ABLIM1: variants seen among roughly 807,000 people sequenced by gnomAD.
ABLIM1 encodes the protein actin-binding LIM protein 1.
In ABLIM1, 40 loss-of-function variants were observed where a neutral mutation model predicts 107.0. That is an observed-to-expected ratio of 0.37 (90% CI 0.29 to 0.49). The LOEUF (loss-of-function observed/expected upper bound fraction) is 0.49. Among genes scored for constraint, ABLIM1 ranks in the 20% least tolerant of loss-of-function variants. The pLI, the probability that ABLIM1 is intolerant of heterozygous loss-of-function variation, is 0.97. For synonymous variants in ABLIM1, 357 were observed against 357.3 expected (o/e 1.00, Z 0.01); for missense variants, 857 against 1,008.5 (o/e 0.85, Z 2.04).
chr10:114,600,396 A>G (rs777815269), intron 2 of ABLIM1, among the ~76,000 whole-genome samples: 1 of 152,172 alleles, frequency 6.6e-6, no homozygotes, highest in Non-Finnish European at 1.5e-5. Context: ...AGTTAAGCTC[A>G]TGCCCTCCAC....
chr10:114,720,277 T>C (rs1238573330), intron 1 of ABLIM1, among the ~76,000 whole-genome samples: 1 of 152,240 alleles, frequency 6.6e-6, no homozygotes, highest in Non-Finnish European at 1.5e-5. Context: ...CTATCATTGA[T>C]GGGCACTTGG....
chr10:114,547,219 C>G (rs1049057244), intron 5 of ABLIM1, among the ~76,000 whole-genome samples: 5 of 151,776 alleles, frequency 3.3e-5, no homozygotes, highest in African/African-American at 1.2e-4. Context: ...TGAACATGAG[C>G]CCATTTCCTG....
At position 114,632,203 on chromosome 10, in the gene ABLIM1, C is replaced by T. The variant is rs564923413; in HGVS notation, c.244+25754G>A. Reference sequence around the variant, plus strand: ...GCCCTGCGGCTGAAACCACTCGCTACAGCTGCTGCTGTAACAAATGCAAAA... The same window carrying T: ...GCCCTGCGGCTGAAACCACTCGCTATAGCTGCTGCTGTAACAAATGCAAAA... On this transcript the variant is annotated intron_variant, in intron 1 of 22. Coordinates refer to ENST00000533213, the MANE Select transcript of ABLIM1 (RefSeq NM_002313.7). 3.9e-4 allele frequency: 380 copies of T among 985,296 alleles called. 1 individual carries two copies. Among genetic ancestry groups the T allele is most frequent in the Non-Finnish European group, 4.1e-4 (343 of 829,914 alleles). 61.0% of individuals were successfully genotyped at this position (985,296 alleles called of 1,614,324 possible).
chr10:114,562,563 G>C (rs1238707143), intron 4 of ABLIM1, among the ~76,000 whole-genome samples: 1 of 152,132 alleles, frequency 6.6e-6, no homozygotes, highest in South Asian at 2.1e-4. Flanking sequence ...AACATGTTTT[G>C]ATTCTGTTAT....
intron 1 of ABLIM1, among the ~76,000 whole-genome samples, chr10:114,693,819 A>T (rs1405521428): frequency 2.3e-5 from 3 of 129,940 alleles, no homozygotes; most frequent in East Asian, 4.4e-4. Context: ...GGCTGATTTT[A>T]AAAAAACTTT....
intron 8 of ABLIM1, among the ~76,000 whole-genome samples, chr10:114,479,274 G>T (rs2056976812): frequency 6.6e-6 from 1 of 152,194 alleles, no homozygotes; most frequent in African/African-American, 2.4e-5. Context: ...TTCTCAGGCA[G>T]TTAATCTCAA....
intron 1 of ABLIM1, among the ~76,000 whole-genome samples, chr10:114,650,254 A>G (rs551088216): frequency 6.6e-6 from 1 of 152,194 alleles, no homozygotes; most frequent in Non-Finnish European, 1.5e-5. Flanking sequence ...GAGTCCATCC[A>G]TAATAATCAG....
At chr10:114,644,353 T>C (rs1487535810) in intron 1 of ABLIM1, among the ~76,000 whole-genome samples, 14 of 132,080 alleles carry the variant, frequency 1.1e-4, no homozygotes, top group Non-Finnish European at 1.7e-4. Flanking sequence ...TATATATACA[T>C]ATATATATAC....
intron 1 of ABLIM1, among the ~76,000 whole-genome samples, chr10:114,733,306 T>C (rs1353411672): frequency 2.0e-5 from 3 of 152,168 alleles, no homozygotes; most frequent in African/African-American, 7.2e-5. Context: ...CTATTCTGAA[T>C]CCTTTGAATT....
chr10:114,659,287 T>C (rs1289679141), upstream of ABLIM1, among the ~76,000 whole-genome samples: 4 of 151,896 alleles, frequency 2.6e-5, no homozygotes, highest in African/African-American at 7.3e-5. Flanking sequence ...GGTGGGAGGA[T>C]TGCTTGAGGC....
chr10:114,609,229 A>G (rs1359613866), intron 1 of ABLIM1, among the ~76,000 whole-genome samples: 4 of 152,216 alleles, frequency 2.6e-5, no homozygotes, highest in Non-Finnish European at 4.4e-5. Flanking sequence ...ATTTATTTGT[A>G]TTAATTTAGA....
intron 6 of ABLIM1, among the ~76,000 whole-genome samples, chr10:114,530,328 C>T (rs1023927660): frequency 6.6e-6 from 1 of 152,048 alleles, no homozygotes; most frequent in Non-Finnish European, 1.5e-5. Flanking sequence ...GTTAAGAGAC[C>T]TCTTCACCGT....
chr10:114,736,674 A>G (rs999637645), intron 1 of ABLIM1, among the ~76,000 whole-genome samples: 2 of 152,176 alleles, frequency 1.3e-5, no homozygotes, highest in African/African-American at 4.8e-5. Flanking sequence ...AGAGAGAAAT[A>G]TTACTTCATA....
intron 1 of ABLIM1, among the ~76,000 whole-genome samples, chr10:114,648,235 A>C (rs1314284910): frequency 2.0e-5 from 3 of 152,238 alleles, no homozygotes; most frequent in African/African-American, 7.2e-5. Flanking sequence ...ACAAGTGTTC[A>C]TAGCAGCATT....
chr10:114,631,787 A>C (rs2078194226), intron 1 of ABLIM1: 1 of 1,123,558 alleles, frequency 8.9e-7, no homozygotes, highest in African/African-American at 1.7e-5. Flanking sequence ...GGAGCTTCTC[A>C]CACCGAGAAC....
At chr10:114,626,063 G>A (rs2497674) in intron 1 of ABLIM1, among the ~76,000 whole-genome samples, 4,018 of 152,232 alleles carry the variant, frequency 0.026, 173 homozygotes, top group African/African-American at 0.091. Context: ...GGAGAACCCC[G>A]CATGACAAGC....
At chr10:114,772,647 T>G (rs983205762), upstream of ABLIM1, among the ~76,000 whole-genome samples, 3 of 151,876 alleles carry the variant, frequency 2.0e-5, no homozygotes, top group African/African-American at 7.3e-5. Context: ...ACCCCAAGGA[T>G]TCCACAAATA....
intron 1 of ABLIM1, among the ~76,000 whole-genome samples, chr10:114,637,818 A>G (rs560096122): frequency 4.7e-4 from 71 of 152,378 alleles, no homozygotes; most frequent in African/African-American, 1.7e-3. Context: ...TCACGAGTAC[A>G]CAAGTACAAA....
At chr10:114,680,715 C>A (rs2141561021) in intron 1 of ABLIM1, among the ~76,000 whole-genome samples, 1 of 152,310 alleles carries the variant, frequency 6.6e-6, no homozygotes, top group Admixed American at 6.5e-5. Flanking sequence ...ATGATGACAT[C>A]CTCTCACATC....
Sources: allele counts gnomAD v4.1 joint callset (sites outside exome capture counted in the v4.1 genomes callset), GRCh38; gene constraint gnomAD v4.1.1; transcripts MANE v1.5; gene names NCBI Gene and HGNC (gene_info 2026-07-23, HGNC 2026-07-21).